THADA: variants seen among roughly 807,000 people sequenced by gnomAD.
The protein encoded by THADA is THADA armadillo repeat containing, also known as tRNA (32-2'-O)-methyltransferase regulator THADA.
In THADA, 213 loss-of-function variants were observed where a neutral mutation model predicts 219.8. That is an observed-to-expected ratio of 0.97 (90% CI 0.87 to 1.09). The LOEUF (loss-of-function observed/expected upper bound fraction) is 1.09. THADA is among the 50% of genes least tolerant of loss of function. The probability of loss-of-function intolerance (pLI) is 0.00; values close to 1 mark genes in which losing one functional copy is unlikely to be tolerated. For synonymous variants in THADA, 1,018 were observed against 828.9 expected (o/e 1.23, Z -3.92); for missense variants, 2,956 against 2,311.3 (o/e 1.28, Z -5.72).
intron 25 of THADA, among the ~76,000 whole-genome samples, chr2:43,495,277 A>G (rs1476230512): frequency 6.6e-6 from 1 of 152,180 alleles, no homozygotes; most frequent in Non-Finnish European, 1.5e-5. Context: ...CATTATAGCT[A>G]TGATATTTAT....
At chr2:43,472,687 G>A (rs1290376622) in intron 26 of THADA, among the ~76,000 whole-genome samples, 4 of 152,268 alleles carry the variant, frequency 2.6e-5, no homozygotes, top group African/African-American at 9.6e-5. Flanking sequence ...TCAGAAGTGT[G>A]TCATTAGACA....
At chr2:43,510,433 T>C (rs1690263605) in intron 22 of THADA, among the ~76,000 whole-genome samples, 2 of 152,160 alleles carry the variant, frequency 1.3e-5, no homozygotes, top group Admixed American at 6.5e-5. Flanking sequence ...CCCACACTTT[T>C]GTATTTTTAA....
chr2:43,593,405 A>T (rs938185597), intron 1 of THADA, among the ~76,000 whole-genome samples: 12 of 152,180 alleles, frequency 7.9e-5, no homozygotes, highest in African/African-American at 2.7e-4. Flanking sequence ...CAAACAGGCC[A>T]GGTGACATGT....
intron 28 of THADA, among the ~76,000 whole-genome samples, chr2:43,406,931 C>T (rs1039577089): frequency 1.4e-4 from 21 of 152,184 alleles, no homozygotes; most frequent in African/African-American, 4.8e-4. Context: ...TCCTCCCAAT[C>T]GCAAAACCCT....
intron 25 of THADA, among the ~76,000 whole-genome samples, chr2:43,490,520 T>C (rs1687495439): frequency 6.6e-6 from 1 of 152,174 alleles, no homozygotes. Flanking sequence ...TTTTTTCACA[T>C]AAAATAGCAT....
intron 29 of THADA, chr2:43,371,830 C>G (rs750292182): frequency 1.3e-5 from 2 of 151,896 alleles, no homozygotes; most frequent in Non-Finnish European, 2.9e-5. Context: ...CGCTATTTCC[C>G]TTTTCTGGTG....
intron 36 of THADA, among the ~76,000 whole-genome samples, chr2:43,267,304 G>T (rs1422153939): frequency 6.6e-6 from 1 of 152,208 alleles, no homozygotes; most frequent in Non-Finnish European, 1.5e-5. Context: ...TGAGAGGGTG[G>T]ACTCCCAACA....
rs1416968309 is a variant in THADA at position 43,586,892 on chromosome 2, G to T, written c.413C>A (p.Thr138Asn). ...TTDLYSYRKV[T>N]DNISSCMENF... is the part of the protein sequence containing the mutation. Reference sequence around the variant, plus strand: ...CTCCATACAGGAAGAAATATTGTCAGTAACTTTCCTGTAAGAGTATAAGTC... The same window carrying T: ...CTCCATACAGGAAGAAATATTGTCATTAACTTTCCTGTAAGAGTATAAGTC... Residue 138 changes from threonine to asparagine, a missense_variant, in exon 5 of 38, where the codon ACT (threonine) becomes AAT (asparagine). Thr to Asn is a moderately conservative substitution (Grantham distance 65). Transcript: ENST00000405975. 6.2e-7 allele frequency: 1 copy of T among 1,613,866 alleles called. No individual in the cohort carries two copies. The highest frequency in any genetic ancestry group is 2.2e-5 in the East Asian group (1 of 44,860).
intron 26 of THADA, among the ~76,000 whole-genome samples, chr2:43,479,379 C>G (rs1045065400): frequency 2.6e-5 from 4 of 152,112 alleles, no homozygotes; most frequent in Non-Finnish European, 5.9e-5. Context: ...ATTTTCAGAT[C>G]TGCAAAATGA....
chr2:43,337,409 T>C (rs1394323763), intron 30 of THADA, among the ~76,000 whole-genome samples: 2 of 152,190 alleles, frequency 1.3e-5, no homozygotes, highest in Non-Finnish European at 1.5e-5. Flanking sequence ...TTTTTTTATA[T>C]TAAGGCAGTT....
Position 43,430,273 on chromosome 2 carries a change from A to C in THADA, c.3866T>G (p.Phe1289Cys). ...RMTGREFFSRFPELYPFLLKQ... is the reference protein window; with the variant it reads ...RMTGREFFSRCPELYPFLLKQ... ...GAGAAGAAAAGGATAGAGTTCTGGGAAACGAGAGAAAAACTCTCTCCCTGT... is the reference window on the plus strand; with the variant it reads ...GAGAAGAAAAGGATAGAGTTCTGGGCAACGAGAGAAAAACTCTCTCCCTGT... The change falls in exon 27 of 38, where the codon TTC becomes TGC. Residue 1289 changes from phenylalanine to cysteine, a missense_variant. Physicochemically the swap from Phe to Cys is radical, Grantham distance 205 (BLOSUM62 -2). Coordinates refer to ENST00000405975, the MANE Select transcript of THADA (RefSeq NM_022065.5). The C allele has an allele frequency of 6.5e-7, 1 of 1,549,916 alleles. No homozygotes were observed. The highest frequency in any genetic ancestry group is 8.7e-7 in the Non-Finnish European group (1 of 1,146,388).
intron 26 of THADA, among the ~76,000 whole-genome samples, chr2:43,446,679 G>A (rs1333826047): frequency 6.6e-6 from 1 of 152,184 alleles, no homozygotes; most frequent in East Asian, 1.9e-4. Context: ...ATTAAATTTT[G>A]GGGTTGTTTG....
At chr2:43,579,559 T>C (rs1483076765) in intron 8 of THADA, among the ~76,000 whole-genome samples, 1 of 152,198 alleles carries the variant, frequency 6.6e-6, no homozygotes, top group African/African-American at 2.4e-5. Context: ...ATAAGAAAAC[T>C]GTGACTTTGA....
intron 28 of THADA, among the ~76,000 whole-genome samples, chr2:43,417,395 C>T (rs2104778652): frequency 6.6e-6 from 1 of 152,168 alleles, no homozygotes; most frequent in Admixed American, 6.5e-5. Context: ...CCATGATTTC[C>T]TATTATAATA....
At chr2:43,595,748 T>C (rs762160462) in intron 1 of THADA, 183 bp downstream of exon 1, 1 of 152,316 alleles carries the variant, frequency 6.6e-6, no homozygotes, top group South Asian at 2.1e-4. Context: ...GGAATGACAG[T>C]GGGAGAAAGT....
At chr2:43,350,182 T>C (rs745922054) in intron 29 of THADA, among the ~76,000 whole-genome samples, 5 of 152,158 alleles carry the variant, frequency 3.3e-5, no homozygotes, top group African/African-American at 1.2e-4. Flanking sequence ...ACTTAATTCA[T>C]ACAAACAGAA....
chr2:43,587,063 G>C, intron 4 of THADA, 61 bp from the exon 5 acceptor site: 1 of 1,509,428 alleles, frequency 6.6e-7, no homozygotes, highest in East Asian at 2.3e-5. Context: ...TATGTGGAGA[G>C]GGAAGAGAAT....
At chr2:43,528,322 G>C (rs1214275588) in intron 21 of THADA, among the ~76,000 whole-genome samples, 1 of 151,886 alleles carries the variant, frequency 6.6e-6, no homozygotes, top group African/African-American at 2.4e-5. Flanking sequence ...GTAGAGATGG[G>C]TTTCACCATG....
chr2:43,369,571 G>C (rs1160339514), intron 29 of THADA, among the ~76,000 whole-genome samples: 1 of 152,106 alleles, frequency 6.6e-6, no homozygotes, highest in Non-Finnish European at 1.5e-5. Flanking sequence ...TATTTTTCAA[G>C]TTTGTCTGAT....
Sources: gnomAD v4.1 joint callset for allele counts (sites outside exome capture counted in the v4.1 genomes callset) on GRCh38, gnomAD v4.1.1 for gene constraint, MANE v1.5 for transcripts, NCBI Gene and HGNC (gene_info 2026-07-23, HGNC 2026-07-21) for gene names.